The following SLC2A13 variants were observed in gnomAD, a reference collection of about 807,000 sequenced individuals.
SLC2A13 encodes solute carrier family 2 member 13, also known as proton myo-inositol cotransporter.
In SLC2A13, 32 loss-of-function variants were observed where a neutral mutation model predicts 64.4. The observed-to-expected ratio is 0.50, with a 90% CI of 0.37 to 0.67. SLC2A13 has a LOEUF of 0.67. Ranked by LOEUF, SLC2A13 falls within the 30% of genes least tolerant of loss-of-function variation. SLC2A13 has a pLI of 0.00. For synonymous variants in SLC2A13, 338 were observed against 327.1 expected (o/e 1.03, Z -0.36); for missense variants, 743 against 829.2 (o/e 0.90, Z 1.28).
intron 4 of SLC2A13, among the ~76,000 whole-genome samples, chr12:39,910,220 T>C (rs1945397377): frequency 6.6e-6 from 1 of 152,144 alleles, no homozygotes; most frequent in South Asian, 2.1e-4. Flanking sequence ...TATTATGACA[T>C]GCATGTCCAT....
At chr12:40,036,338 T>C (rs1022001860) in intron 2 of SLC2A13, among the ~76,000 whole-genome samples, 14 of 152,210 alleles carry the variant, frequency 9.2e-5, no homozygotes, top group African/African-American at 2.4e-4. Flanking sequence ...AAAATTTATA[T>C]ACAAGAAAAT....
chr12:39,905,094 T>C (rs1280214213), intron 4 of SLC2A13, among the ~76,000 whole-genome samples: 1 of 152,192 alleles, frequency 6.6e-6, no homozygotes, highest in East Asian at 1.9e-4. Flanking sequence ...ATGAGACTTC[T>C]GTTCATATGA....
At chr12:39,901,637 A>C (rs1347291513) in intron 4 of SLC2A13, among the ~76,000 whole-genome samples, 1 of 126,786 alleles carries the variant, frequency 7.9e-6, no homozygotes, top group African/African-American at 3.0e-5. Context: ...CAAAACCACA[A>C]TGAGATACCA....
intron 6 of SLC2A13, chr12:39,835,717 C>A (rs1025493770): frequency 5.9e-5 from 9 of 152,096 alleles, no homozygotes; most frequent in African/African-American, 2.2e-4. Context: ...CAGCCCCCTG[C>A]AGGGTGGATC....
At chr12:39,959,735 T>G (rs1946376389) in intron 3 of SLC2A13, among the ~76,000 whole-genome samples, 1 of 152,160 alleles carries the variant, frequency 6.6e-6, no homozygotes. Flanking sequence ...AGGAAAAAAT[T>G]ACGAAGAATT....
intron 1 of SLC2A13, among the ~76,000 whole-genome samples, chr12:40,096,683 T>G (rs1455621066): frequency 6.6e-6 from 1 of 152,046 alleles, no homozygotes; most frequent in Non-Finnish European, 1.5e-5. Flanking sequence ...ATCACTGGAA[T>G]TCTGATTCTG....
intron 1 of SLC2A13, among the ~76,000 whole-genome samples, chr12:40,050,388 T>C (rs577838328): frequency 7.2e-5 from 11 of 152,148 alleles, no homozygotes; most frequent in Non-Finnish European, 1.3e-4. Flanking sequence ...TGCAGGTATG[T>C]CCTCAGACCC....
At chr12:39,822,841 G>A (rs1190075473) in intron 7 of SLC2A13, among the ~76,000 whole-genome samples, 3 of 152,102 alleles carry the variant, frequency 2.0e-5, no homozygotes, top group Non-Finnish European at 4.4e-5. Context: ...ATCGCTACTT[G>A]GATAAAACTG....
intron 4 of SLC2A13, chr12:39,950,942 C>A (rs962329556): frequency 8.6e-6 from 3 of 348,742 alleles, no homozygotes; most frequent in South Asian, 1.1e-4. Context: ...TGCTTTCCAA[C>A]CAGCATCAAG....
intron 7 of SLC2A13, among the ~76,000 whole-genome samples, chr12:39,801,465 G>T (rs1231502554): frequency 6.6e-6 from 1 of 152,030 alleles, no homozygotes; most frequent in Non-Finnish European, 1.5e-5. Flanking sequence ...ATCTGCTTGA[G>T]AGGGCTGACC....
intron 1 of SLC2A13, among the ~76,000 whole-genome samples, chr12:40,048,788 A>T (rs1022131464): frequency 6.6e-6 from 1 of 152,112 alleles, no homozygotes; most frequent in African/African-American, 2.4e-5. Context: ...TTAGCTTTAA[A>T]TTTTTTTCTA....
intron 3 of SLC2A13, among the ~76,000 whole-genome samples, chr12:39,996,581 T>C (rs1021374084): frequency 6.6e-6 from 1 of 152,216 alleles, no homozygotes; most frequent in Non-Finnish European, 1.5e-5. Flanking sequence ...AGTGGTTTTG[T>C]GGGCTGGGCC....
At chr12:39,881,428 C>T (rs1944333532) in intron 4 of SLC2A13, among the ~76,000 whole-genome samples, 1 of 152,018 alleles carries the variant, frequency 6.6e-6, no homozygotes, top group African/African-American at 2.4e-5. Context: ...TTCCTCACGA[C>T]TGTCTTTTTC....
chr12:39,760,344 T>G, intron 9 of SLC2A13, 92 bp from the exon 10 acceptor site: 1 of 1,176,252 alleles, frequency 8.5e-7, no homozygotes, highest in Non-Finnish European at 1.2e-6. Context: ...TTTTTTCTGG[T>G]CAGTCATGCA....
chr12:40,054,790 A>G (rs1948310551), intron 1 of SLC2A13, among the ~76,000 whole-genome samples: 1 of 152,188 alleles, frequency 6.6e-6, no homozygotes, highest in East Asian at 1.9e-4. Flanking sequence ...TCATAACCAA[A>G]TACCATTAGA....
chr12:39,936,026 C>A (rs1277332347), intron 4 of SLC2A13, among the ~76,000 whole-genome samples: 4 of 152,218 alleles, frequency 2.6e-5, no homozygotes, highest in Non-Finnish European at 5.9e-5. Context: ...TGGGCAAAAG[C>A]CACAAAGGGC....
chr12:39,798,442 T>C (rs2135780116), intron 7 of SLC2A13, among the ~76,000 whole-genome samples: 1 of 152,358 alleles, frequency 6.6e-6, no homozygotes, highest in South Asian at 2.1e-4. Flanking sequence ...TTAACTTGAA[T>C]AAGTAACTGA....
intron 4 of SLC2A13, among the ~76,000 whole-genome samples, chr12:39,887,541 G>T (rs116277843): frequency 0.01 from 1,594 of 152,342 alleles, 23 homozygotes; most frequent in African/African-American, 0.035. Context: ...CTCACTCCTT[G>T]TGTGTATCAC....
chr12:39,894,465 T>A (rs184595058), intron 4 of SLC2A13, among the ~76,000 whole-genome samples: 77 of 152,230 alleles, frequency 5.1e-4, no homozygotes, highest in African/African-American at 1.7e-3. Flanking sequence ...TTACTCAATA[T>A]AAAGAGAATA....
Sources: allele counts gnomAD v4.1 joint callset (sites outside exome capture counted in the v4.1 genomes callset), GRCh38; gene constraint gnomAD v4.1.1; transcripts MANE v1.5; gene names NCBI Gene and HGNC (gene_info 2026-07-23, HGNC 2026-07-21).